Variants in CNTNAP4 observed in about 807,000 individuals in gnomAD.
The protein encoded by CNTNAP4 is contactin associated protein family member 4.
CNTNAP4 carries 98 observed loss-of-function variants against 148.4 expected under a neutral mutation model. That is an observed-to-expected ratio of 0.66 (90% CI 0.56 to 0.78). CNTNAP4 has a LOEUF of 0.78. CNTNAP4 is among the 30% of genes least tolerant of loss of function. CNTNAP4 has a pLI of 0.00. For synonymous variants in CNTNAP4, 730 were observed against 565.1 expected (o/e 1.29, Z -4.14); for missense variants, 1,935 against 1,565.6 (o/e 1.24, Z -3.98).
Position 76,534,428 on chromosome 16 carries a change from C to T in CNTNAP4, c.2756-1117C>T, listed in dbSNP as rs542754860. Among the ~76,000 whole-genome samples the T allele has an allele frequency of 3.9e-5, 6 of 152,280 alleles. No individual in the cohort carries two copies. In the South Asian group the frequency reaches 1.0e-3, roughly 26 times the overall value. On this transcript the variant is annotated intron_variant, in intron 17 of 23. Transcript: ENST00000611870. ...CTGGTGATGAGACACCATCATTTATCCAAAGATGGAGCTTCTTTTTAGAGG... is the reference window on the plus strand; with the variant it reads ...CTGGTGATGAGACACCATCATTTATTCAAAGATGGAGCTTCTTTTTAGAGG...
At chr16:76,528,030 C>A (rs948757669) in intron 17 of CNTNAP4, among the ~76,000 whole-genome samples, 3 of 151,896 alleles carry the variant, frequency 2.0e-5, no homozygotes, top group South Asian at 4.2e-4. Context: ...TTTGGTAGAA[C>A]CCTATTGTGG....
chr16:76,492,542 T>C (rs1169460616), intron 13 of CNTNAP4, among the ~76,000 whole-genome samples: 2 of 152,088 alleles, frequency 1.3e-5, no homozygotes, highest in African/African-American at 4.8e-5. Flanking sequence ...GGGCTTGATA[T>C]GGTTTGGCTG....
intron 23 of CNTNAP4, among the ~76,000 whole-genome samples, chr16:76,556,588 C>T (rs1295426191): frequency 6.6e-6 from 1 of 152,132 alleles, no homozygotes; most frequent in Non-Finnish European, 1.5e-5. Context: ...GAATTTTTCA[C>T]ATTGAAATTG....
chr16:76,414,053 T>C (rs941683467), intron 3 of CNTNAP4, among the ~76,000 whole-genome samples: 1 of 151,376 alleles, frequency 6.6e-6, no homozygotes, highest in African/African-American at 2.4e-5. Flanking sequence ...TAAATATTTT[T>C]CTTGCCTTAT....
chr16:76,480,305 A>ATAAAAAT (rs1208146912), intron 12 of CNTNAP4, among the ~76,000 whole-genome samples: 1 of 152,206 alleles, frequency 6.6e-6, no homozygotes, highest in Non-Finnish European at 1.5e-5. Context: ...TATATCAGCA[A>ATAAAAAT]TAAAAATTAG....
chr16:76,510,615 C>G (rs143359559), intron 15 of CNTNAP4, among the ~76,000 whole-genome samples: 2 of 152,114 alleles, frequency 1.3e-5, no homozygotes, highest in African/African-American at 2.4e-5. Flanking sequence ...TGATCCCATA[C>G]TTGTCTGTGC....
chr16:76,330,902 A>G (rs917571356), intron 2 of CNTNAP4, among the ~76,000 whole-genome samples: 5 of 152,230 alleles, frequency 3.3e-5, no homozygotes, highest in African/African-American at 1.2e-4. Flanking sequence ...TGAATATTTG[A>G]ATGTGGCAAT....
chr16:76,530,814 C>G (rs186898866), intron 17 of CNTNAP4, among the ~76,000 whole-genome samples: 122 of 152,320 alleles, frequency 8.0e-4, no homozygotes, highest in African/African-American at 2.8e-3. Context: ...AGCTGGGCCT[C>G]CAGATTCCCT....
intron 3 of CNTNAP4, among the ~76,000 whole-genome samples, chr16:76,362,402 T>A (rs1327677148): frequency 6.6e-6 from 1 of 152,102 alleles, no homozygotes; most frequent in Non-Finnish European, 1.5e-5. Context: ...AGAAAAAATA[T>A]CCTAAGATTT....
rs201331449 is a variant in CNTNAP4 at position 76,473,596 on chromosome 16, G to A, written c.1656-2343G>A. On this transcript the variant is annotated intron_variant, in intron 10 of 23. Coordinates refer to ENST00000611870, the MANE Select transcript of CNTNAP4 (RefSeq NM_033401.5). ...AGACCATCCTGGCTAACATGGTGAA[G>A]CCCCGTCTCTACTAAAAAATACAAA... Among the ~76,000 whole-genome samples the A allele has an allele frequency of 3.0e-4, 45 of 151,992 alleles. No individual in the cohort carries two copies. The East Asian group carries it at 3.1e-3, about 11-fold the overall frequency.
chr16:76,489,388 A>G (rs1435209781), intron 12 of CNTNAP4, among the ~76,000 whole-genome samples: 1 of 152,036 alleles, frequency 6.6e-6, no homozygotes, highest in Non-Finnish European at 1.5e-5. Flanking sequence ...ATACATCACA[A>G]AAATAATCAG....
intron 3 of CNTNAP4, among the ~76,000 whole-genome samples, chr16:76,379,560 A>G (rs984479357): frequency 6.6e-6 from 1 of 152,166 alleles, no homozygotes; most frequent in Non-Finnish European, 1.5e-5. Context: ...TCTACTTTGT[A>G]CATTGCAGCC....
intron 9 of CNTNAP4, among the ~76,000 whole-genome samples, chr16:76,464,459 C>A (rs943445371): frequency 9.2e-5 from 14 of 152,154 alleles, no homozygotes; most frequent in Admixed American, 2.0e-4. Flanking sequence ...CTGTGACAGT[C>A]GTTCCCCCTG....
chr16:76,343,316 A>T (rs1264441947), intron 2 of CNTNAP4, among the ~76,000 whole-genome samples: 3 of 152,122 alleles, frequency 2.0e-5, no homozygotes, highest in Admixed American at 2.0e-4. Context: ...CAAAAAGGAC[A>T]ATTTAGAACT....
At chr16:76,519,789 T>C (rs985464760) in intron 15 of CNTNAP4, among the ~76,000 whole-genome samples, 1 of 152,250 alleles carries the variant, frequency 6.6e-6, no homozygotes, top group African/African-American at 2.4e-5. Context: ...AGTAGATTAT[T>C]AGTTGAATAA....
At chr16:76,338,269 C>T (rs770793445) in intron 2 of CNTNAP4, among the ~76,000 whole-genome samples, 1 of 152,210 alleles carries the variant, frequency 6.6e-6, no homozygotes, top group African/African-American at 2.4e-5. Flanking sequence ...TTATGTTCTT[C>T]TGCTGCTGCT....
intron 10 of CNTNAP4, among the ~76,000 whole-genome samples, chr16:76,474,031 C>T (rs968848492): frequency 3.9e-5 from 6 of 152,094 alleles, no homozygotes; most frequent in African/African-American, 1.4e-4. Flanking sequence ...CTGTTTGCTG[C>T]ACCTGTAAGC....
intron 23 of CNTNAP4, among the ~76,000 whole-genome samples, chr16:76,555,433 A>G (rs1192861981): frequency 1.3e-5 from 2 of 152,214 alleles, no homozygotes; most frequent in East Asian, 3.9e-4. Flanking sequence ...GTTATACAGT[A>G]AAAACTCACT....
intron 17 of CNTNAP4, 117 bp from the exon 18 acceptor site, chr16:76,535,428 T>G: frequency 9.6e-7 from 1 of 1,042,090 alleles, no homozygotes; most frequent in Non-Finnish European, 1.4e-6. Flanking sequence ...TTTCCAAAAT[T>G]ATATTTGCTC....
Sources: gnomAD v4.1 joint callset for allele counts (sites outside exome capture counted in the v4.1 genomes callset) on GRCh38, gnomAD v4.1.1 for gene constraint, MANE v1.5 for transcripts, NCBI Gene and HGNC (gene_info 2026-07-23, HGNC 2026-07-21) for gene names.